Variants in TPO observed in about 807,000 individuals in gnomAD.
TPO encodes thyroid microsomal antigen.
A neutral mutation model predicts 96.9 loss-of-function variants in TPO; 78 were observed. The observed-to-expected ratio is 0.81, with a 90% CI of 0.67 to 0.97. The LOEUF is 0.97. TPO is among the 50% of genes least tolerant of loss of function. The pLI is 0.00. For synonymous variants in TPO, 547 were observed against 538.0 expected, an observed-to-expected ratio of 1.02 and a Z score of -0.23; for missense variants, 1,252 against 1,274.8, an observed-to-expected ratio of 0.98 and a Z score of 0.27.
At chr2:1,488,648 C>T (rs888141947) in intron 10 of TPO, among the ~76,000 whole-genome samples, 1 of 152,224 alleles carries the variant, frequency 6.6e-6, no homozygotes, top group Non-Finnish European at 1.5e-5. Flanking sequence ...TAGGCCCGAT[C>T]CCCTGACACC....
At chr2:1,496,895 G>A (rs1672411804) in intron 13 of TPO, 130 bp downstream of exon 13, 1 of 1,384,558 alleles carries the variant, frequency 7.2e-7, no homozygotes, top group Non-Finnish European at 1.0e-6. Context: ...GGAGCAATCT[G>A]GGGATAGAAA....
At chr2:1,444,016 C>T (rs986461903) in intron 5 of TPO, among the ~76,000 whole-genome samples, 3 of 140,230 alleles carry the variant, frequency 2.1e-5, no homozygotes, top group African/African-American at 8.2e-5. Flanking sequence ...GCAGGAGGCA[C>T]CATGTTGGAA....
At position 1,477,414 on chromosome 2, in the gene TPO, G is replaced by A. The variant is rs1447370995; in HGVS notation, c.1148G>A (p.Gly383Glu). The A allele has an allele frequency of 3.3e-6, 5 of 1,525,888 alleles. No homozygotes were observed. The highest frequency in any genetic ancestry group is 4.4e-6 in the Non-Finnish European group (5 of 1,140,066). 94.5% of individuals were successfully genotyped at this position (1,525,888 alleles called of 1,614,324 possible). ...TGTGCGCCCGAGCCCGGCATCCCCG[G>A]AGAGACCCGCGGGCCCTGCTTCCTG... Reference protein sequence around the residue: ...AACAPEPGIPGETRGPCFLAG... With the variant: ...AACAPEPGIPEETRGPCFLAG... The change falls in exon 8 of 17, where the codon GGA becomes GAA. Residue 383 changes from glycine to glutamate, a missense_variant. Transcript: ENST00000329066.
intron 5 of TPO, among the ~76,000 whole-genome samples, chr2:1,438,155 C>T (rs1359520670): frequency 2.0e-5 from 3 of 150,836 alleles, no homozygotes; most frequent in Non-Finnish European, 4.4e-5. Context: ...TGGGGTCTAA[C>T]GTGCAGGTAC....
chr2:1,449,211 G>A (rs1395066803), intron 5 of TPO, among the ~76,000 whole-genome samples: 1 of 152,092 alleles, frequency 6.6e-6, no homozygotes, highest in Non-Finnish European at 1.5e-5. Flanking sequence ...TATGTAACTT[G>A]GTATATCATT....
intron 10 of TPO, among the ~76,000 whole-genome samples, chr2:1,488,579 C>A (rs1318504628): frequency 1.3e-5 from 2 of 152,170 alleles, no homozygotes; most frequent in African/African-American, 2.4e-5. Flanking sequence ...CCCACCTCAG[C>A]CTTCCCTCCT....
At chr2:1,466,222 T>C (rs951413553) in intron 7 of TPO, among the ~76,000 whole-genome samples, 1 of 152,246 alleles carries the variant, frequency 6.6e-6, no homozygotes, top group Non-Finnish European at 1.5e-5. Flanking sequence ...AAGCCATCCC[T>C]GCATCCCTGG....
At chr2:1,379,042 G>C (rs1250738884) in intron 1 of TPO, among the ~76,000 whole-genome samples, 1 of 152,152 alleles carries the variant, frequency 6.6e-6, no homozygotes, top group East Asian at 1.9e-4. Context: ...TTCATTTAAA[G>C]AGTGAAGGCC....
chr2:1,408,212 G>A (rs1422501287), intron 1 of TPO, among the ~76,000 whole-genome samples: 1 of 152,212 alleles, frequency 6.6e-6, no homozygotes, highest in Non-Finnish European at 1.5e-5. Flanking sequence ...GTTTATGTGA[G>A]TTGAGCGGAT....
At chr2:1,521,013 A>G (rs780949361) in intron 15 of TPO, among the ~76,000 whole-genome samples, 9 of 151,930 alleles carry the variant, frequency 5.9e-5, no homozygotes, top group Non-Finnish European at 1.2e-4. Flanking sequence ...CTACTTTTCC[A>G]CCATCACTTA....
At position 1,542,938 on chromosome 2, in the gene TPO, A is replaced by G. The variant is rs1011802186; in HGVS notation, c.*464A>G. ...GGGAAGAGCACTCCTGGCTTCCTGC[A>G]GGGCCGGTGGGAGGAGGAAAGTGAT... is the stretch of plus-strand genomic sequence containing the variant. On this transcript the variant is annotated 3_prime_UTR_variant, in exon 17 of 17. Transcript: ENST00000329066. 8 of 246,062 alleles carry G rather than the reference A, an allele frequency of 3.3e-5. No homozygotes were observed. The highest frequency in any genetic ancestry group is 6.4e-5 in the Non-Finnish European group (8 of 124,980). The allele number at this position is 246,062 out of a possible 1,614,324, so 15.2% of individuals were successfully genotyped here.
chr2:1,475,914 T>A (rs543160827), intron 7 of TPO, among the ~76,000 whole-genome samples: 1 of 152,360 alleles, frequency 6.6e-6, no homozygotes, highest in African/African-American at 2.4e-5. Flanking sequence ...TCTGCTTTGC[T>A]GCTTCACCAC....
chr2:1,407,856 C>CTTGT (rs1662270095), intron 1 of TPO, among the ~76,000 whole-genome samples: 8 of 152,172 alleles, frequency 5.3e-5, no homozygotes, highest in Admixed American at 3.9e-4. Context: ...ACTGTAAAGA[C>CTTGT]AAATTGAACT....
intron 15 of TPO, among the ~76,000 whole-genome samples, chr2:1,532,561 T>C (rs1573616269): frequency 1.4e-4 from 9 of 66,258 alleles, no homozygotes; most frequent in Admixed American, 5.6e-4. Flanking sequence ...CCTCCTCAAA[T>C]CCCCCCAACT....
intron 13 of TPO, among the ~76,000 whole-genome samples, chr2:1,500,060 G>T (rs1307090990): frequency 6.6e-6 from 1 of 152,214 alleles, no homozygotes; most frequent in Non-Finnish European, 1.5e-5. Flanking sequence ...TGACTTGGAA[G>T]AGTGTTGGTG....
chr2:1,533,354 C>G (rs1208157483), intron 15 of TPO, among the ~76,000 whole-genome samples: 3 of 110,562 alleles, frequency 2.7e-5, no homozygotes, highest in African/African-American at 6.9e-5. Context: ...GCAACCTTCC[C>G]AAATCCCCCC....
chr2:1,527,753 A>C (rs1676925329), intron 15 of TPO, among the ~76,000 whole-genome samples: 2 of 136,864 alleles, frequency 1.5e-5, no homozygotes, highest in South Asian at 5.2e-4. Context: ...CACTCTGGGC[A>C]ACCTCCCCAA....
At chr2:1,540,069 G>A (rs904944589) in intron 15 of TPO, among the ~76,000 whole-genome samples, 4 of 152,076 alleles carry the variant, frequency 2.6e-5, no homozygotes, top group Admixed American at 6.6e-5. Context: ...TTCCTGCACC[G>A]GCCCCAGCTC....
At chr2:1,461,752 C>G (rs1042947349) in intron 7 of TPO, among the ~76,000 whole-genome samples, 2 of 152,168 alleles carry the variant, frequency 1.3e-5, no homozygotes, top group Non-Finnish European at 2.9e-5. Flanking sequence ...TCATGACACA[C>G]AGACCCACAC....
Sources: gnomAD v4.1 joint callset for allele counts (sites outside exome capture counted in the v4.1 genomes callset) on GRCh38, gnomAD v4.1.1 for gene constraint, MANE v1.5 for transcripts, NCBI Gene and HGNC (gene_info 2026-07-23, HGNC 2026-07-21) for gene names.